AGFG1: variants seen among roughly 807,000 people sequenced by gnomAD.
AGFG1 encodes the protein ArfGAP with FG repeats 1.
AGFG1 carries 10 observed loss-of-function variants against 60.6 expected under a neutral mutation model. The ratio of observed to expected loss-of-function variants is 0.16; its 90% CI spans 0.10 to 0.28. AGFG1 has a LOEUF of 0.28. Ranked by LOEUF, AGFG1 falls within the 10% of genes least tolerant of loss-of-function variation. AGFG1 has a pLI of 1.00. For synonymous variants in AGFG1, 247 were observed against 242.9 expected, an observed-to-expected ratio of 1.02 and a Z score of -0.16; for missense variants, 537 against 676.5, an observed-to-expected ratio of 0.79 and a Z score of 2.29.
At chr2:227,540,800 A>G (rs938551369) in intron 10 of AGFG1, among the ~76,000 whole-genome samples, 3 of 152,194 alleles carry the variant, frequency 2.0e-5, no homozygotes, top group African/African-American at 7.2e-5. Flanking sequence ...GAACTAGTTT[A>G]CACTCCCACC....
intron 1 of AGFG1, among the ~76,000 whole-genome samples, chr2:227,484,892 T>C (rs1452819734): frequency 2.6e-5 from 4 of 151,688 alleles, no homozygotes; most frequent in Non-Finnish European, 5.9e-5. Context: ...TTGTTGTTAG[T>C]AGAGATGGGG....
At chr2:227,536,423 T>G (rs1692315664) in intron 8 of AGFG1, among the ~76,000 whole-genome samples, 1 of 152,206 alleles carries the variant, frequency 6.6e-6, no homozygotes, top group Admixed American at 6.5e-5. Context: ...CTTGTATTTT[T>G]TATTTTTTTA....
chr2:227,547,661 T>C (rs536123455), intron 10 of AGFG1, among the ~76,000 whole-genome samples: 2 of 152,274 alleles, frequency 1.3e-5, no homozygotes, highest in Admixed American at 1.3e-4. Flanking sequence ...TAAGAAGGTA[T>C]ACAGATGGCC....
intron 10 of AGFG1, among the ~76,000 whole-genome samples, chr2:227,543,578 T>C (rs1692556056): frequency 1.3e-5 from 2 of 152,212 alleles, no homozygotes; most frequent in Non-Finnish European, 2.9e-5. Flanking sequence ...CTTCCAATTA[T>C]GTGGTCAATT....
chr2:227,536,992 A>G lies in AGFG1; in HGVS notation c.1377A>G (p.Thr459=). The stretch of plus-strand genomic sequence containing the variant: ...TTCAGACCAATGCCAGAGGAGCAAC[A>G]GGTAAGAAAAAGAGACAGTGGAACA... ...NPFQTNARGA[T]AATFGTASMS... The change falls in exon 10 of 13, where the codon ACA becomes ACG. Residue 459 remains threonine, a splice_region_variant and synonymous_variant. Coordinates refer to ENST00000310078, the MANE Select transcript of AGFG1 (RefSeq NM_004504.5). The G allele has an allele frequency of 6.2e-7, 1 of 1,611,932 alleles. No homozygotes were observed. Among genetic ancestry groups the G allele is most frequent in the East Asian group, 2.2e-5 (1 of 44,870 alleles).
At chr2:227,503,505 G>C (rs1286938758) in intron 2 of AGFG1, among the ~76,000 whole-genome samples, 1 of 152,174 alleles carries the variant, frequency 6.6e-6, no homozygotes, top group Non-Finnish European at 1.5e-5. Context: ...TGGTCTACCT[G>C]ATTGAGCTAC....
intron 1 of AGFG1, among the ~76,000 whole-genome samples, chr2:227,481,672 A>T (rs1314744572): frequency 2.0e-5 from 3 of 151,946 alleles, no homozygotes; most frequent in Non-Finnish European, 4.4e-5. Context: ...GTTTATTTTA[A>T]TTTTTGTGGG....
intron 7 of AGFG1, 148 bp from the exon 8 acceptor site, chr2:227,534,697 G>A: frequency 1.3e-6 from 1 of 783,298 alleles, no homozygotes; most frequent in South Asian, 1.8e-5. Context: ...GTCCAGTATG[G>A]TCCAGGTTAT....
At chr2:227,497,016 T>TATACTC (rs1690993333) in intron 2 of AGFG1, among the ~76,000 whole-genome samples, 1 of 152,194 alleles carries the variant, frequency 6.6e-6, no homozygotes. Context: ...AGTTAAGTTA[T>TATACTC]ATACTCATTA....
At chr2:227,534,236 C>T (rs1247673427) in intron 7 of AGFG1, among the ~76,000 whole-genome samples, 1 of 152,054 alleles carries the variant, frequency 6.6e-6, no homozygotes, top group Non-Finnish European at 1.5e-5. Context: ...ATGCATGTGG[C>T]ACTGGTGAAT....
At chr2:227,476,066 T>C (rs2106149551) in intron 1 of AGFG1, among the ~76,000 whole-genome samples, 2 of 152,364 alleles carry the variant, frequency 1.3e-5, no homozygotes, top group Middle Eastern at 3.4e-3. Context: ...CTTTCTTGTT[T>C]CTTTTTTTTC....
At chr2:227,554,264 A>G (rs1039776173) in intron 12 of AGFG1, among the ~76,000 whole-genome samples, 172 bp from the exon 13 acceptor site, 13 of 152,206 alleles carry the variant, frequency 8.5e-5, no homozygotes, top group African/African-American at 2.7e-4. Context: ...TTCATGACAC[A>G]TAGTAGTTTG....
chr2:227,487,958 TATA>T (rs1690689048), intron 1 of AGFG1, among the ~76,000 whole-genome samples: 1 of 152,228 alleles, frequency 6.6e-6, no homozygotes, highest in African/African-American at 2.4e-5. Context: ...ATAAATGGAA[TATA>T]AAAGAGCAAT....
At chr2:227,524,193 G>A (rs1028968629) in intron 4 of AGFG1, among the ~76,000 whole-genome samples, 3 of 151,754 alleles carry the variant, frequency 2.0e-5, no homozygotes, top group African/African-American at 7.2e-5. Flanking sequence ...CTATATATAT[G>A]TGTGTGTGTG....
chr2:227,524,925 T>A lies in AGFG1; in HGVS notation c.694+10T>A. On this transcript the variant is annotated intron_variant, in intron 5 of 12. Transcript: ENST00000310078. ...TTCAACAGTCATGCAGGTAAGTGTT[T>A]TTTCCCAACAGCTTTTGCTGGGGAT... The A allele has an allele frequency of 1.9e-6, 3 of 1,613,500 alleles. No individual in the cohort carries two copies. Among genetic ancestry groups the A allele is most frequent in the Non-Finnish European group, 2.5e-6 (3 of 1,179,462 alleles).
chr2:227,531,205 C>T lies in AGFG1; in HGVS notation c.809C>T (p.Thr270Ile). Residue 270 changes from threonine to isoleucine, a missense_variant, in exon 6 of 13, where the codon ACT becomes ATT. Physicochemically the swap from Thr to Ile is moderately conservative, Grantham distance 89. Transcript: ENST00000310078. ...AGTCACTCTCCTTTTCAGCCCCAAA[C>T]TACAGGTAGAGCTTCTCCAGCATTG... ...TASHSPFQPQ[T>I]TGGSAASVNA... 6.2e-7 allele frequency: 1 copy of T among 1,613,502 alleles called. No homozygotes were observed. Among genetic ancestry groups the T allele is most frequent in the East Asian group, 2.2e-5 (1 of 44,850 alleles).
intron 10 of AGFG1, among the ~76,000 whole-genome samples, chr2:227,541,096 C>T (rs1215010706): frequency 6.6e-6 from 1 of 151,940 alleles, no homozygotes; most frequent in East Asian, 1.9e-4. Context: ...GGATATTAGC[C>T]CTTTGTCAGA....
chr2:227,478,809 C>T (rs1428977564), intron 1 of AGFG1, among the ~76,000 whole-genome samples: 1 of 152,044 alleles, frequency 6.6e-6, no homozygotes, highest in African/African-American at 2.4e-5. Flanking sequence ...ATGCTGAATT[C>T]TTCTAGATTT....
chr2:227,518,118 T>C (rs1691709413), intron 2 of AGFG1, among the ~76,000 whole-genome samples: 1 of 152,208 alleles, frequency 6.6e-6, no homozygotes, highest in Admixed American at 6.5e-5. Flanking sequence ...GGTTTATTCA[T>C]GTTTCTTGTA....
Sources: allele counts gnomAD v4.1 joint callset (sites outside exome capture counted in the v4.1 genomes callset), GRCh38; gene constraint gnomAD v4.1.1; transcripts MANE v1.5; gene names NCBI Gene and HGNC (gene_info 2026-07-23, HGNC 2026-07-21).